SVOP: variants seen among roughly 807,000 people sequenced by gnomAD.
SVOP encodes SV2 related protein.
In SVOP, 17 loss-of-function variants were observed where a neutral mutation model predicts 69.1. That is an observed-to-expected ratio of 0.25 (90% CI 0.17 to 0.37). The LOEUF (loss-of-function observed/expected upper bound fraction) is 0.37. Ranked by LOEUF, SVOP falls within the 10% of genes least tolerant of loss-of-function variation. The pLI is 1.00. For missense variants in SVOP, 435 were observed against 597.5 expected (o/e 0.73, Z 2.84); for synonymous variants, 238 against 238.6 (o/e 1.00, Z 0.02).
chr12:109,020,763 C>CCA lies in SVOP; in HGVS notation c.35+70_35+71insTG, dbSNP rs1555254153. On this transcript the variant is annotated intron_variant, in intron 1 of 15. Transcript: ENST00000610966. ...AACCATGCAGAGATGTACCCCCCCCCACCCCCCTTGCAGGTTTTCGTTTTT... is the reference window on the plus strand; with the variant it reads ...AACCATGCAGAGATGTACCCCCCCCCCAACCCCCCTTGCAGGTTTTCGTTTTT... 75 of 392,560 alleles carry CCA rather than the reference C, an allele frequency of 1.9e-4. 4 individuals carry two copies. In the Middle Eastern group the frequency reaches 3.9e-3, roughly 21 times the overall value. 24.3% of individuals were successfully genotyped at this position (392,560 alleles called of 1,614,324 possible).
rs1378920713 is a variant in SVOP, at chr12:108,908,576, C to T, written c.*3959G>A. On this transcript the variant is annotated 3_prime_UTR_variant, in exon 16 of 16. Coordinates refer to ENST00000610966, the MANE Select transcript of SVOP (RefSeq NM_018711.5). ...GCTGGTGTTTCTCTTGTCCTTACAC[C>T]TTTTCCATTTCACTGATTTACATGC... The T allele has an allele frequency of 6.6e-6, 1 of 152,178 alleles. No homozygotes were observed. Among genetic ancestry groups the T allele is most frequent in the African/African-American group, 2.4e-5 (1 of 41,448 alleles). 9.4% of individuals were successfully genotyped at this position (152,178 alleles called of 1,614,324 possible). A position where few individuals can be genotyped will look rare whatever the true frequency, so the allele number is the denominator to read the frequency against.
chr12:108,986,861 G>T (rs998429704), intron 1 of SVOP, among the ~76,000 whole-genome samples: 1 of 151,986 alleles, frequency 6.6e-6, no homozygotes, highest in African/African-American at 2.4e-5. Context: ...ATCCCCACTG[G>T]ATAAGACAAA....
chr12:109,016,946 A>G (rs1016819720), intron 1 of SVOP, among the ~76,000 whole-genome samples: 2 of 151,980 alleles, frequency 1.3e-5, no homozygotes, highest in East Asian at 1.9e-4. Flanking sequence ...ACAGGTCTCA[A>G]TATATTCCCC....
At chr12:108,918,892 A>G (rs1342864154) in intron 13 of SVOP, among the ~76,000 whole-genome samples, 3 of 152,146 alleles carry the variant, frequency 2.0e-5, no homozygotes, top group African/African-American at 7.2e-5. Flanking sequence ...AACCCCCATC[A>G]GAGACCCTGA....
In SVOP at chr12:108,910,671, C is replaced by T. The variant is rs2039676290; in HGVS notation, c.*1864G>A. 1 of 152,170 alleles carries T rather than the reference C, an allele frequency of 6.6e-6. No individual in the cohort carries two copies. Among genetic ancestry groups the T allele is most frequent in the Admixed American group, 6.5e-5 (1 of 15,272 alleles). The allele number at this position is 152,170 out of a possible 1,614,324, so 9.4% of individuals were successfully genotyped here. On this transcript the variant is annotated 3_prime_UTR_variant, in exon 16 of 16. Coordinates refer to ENST00000610966, the MANE Select transcript of SVOP (RefSeq NM_018711.5). ...TTAGAACTTGAGCTGGAAGAAGTCC[C>T]CCATCATGACCTGCACACCATTAGA...
At chr12:108,924,840 A>G (rs972339762) in intron 11 of SVOP, among the ~76,000 whole-genome samples, 2 of 152,190 alleles carry the variant, frequency 1.3e-5, no homozygotes, top group Non-Finnish European at 2.9e-5. Flanking sequence ...AATCCACCAG[A>G]TGGAAAATGC....
chr12:109,010,143 A>AT (rs1017132409), intron 1 of SVOP, among the ~76,000 whole-genome samples: 56 of 149,564 alleles, frequency 3.7e-4, no homozygotes, highest in African/African-American at 9.6e-4. Flanking sequence ...AAAAAAAAAA[A>AT]TTTTTTTTTA....
intron 6 of SVOP, among the ~76,000 whole-genome samples, chr12:108,955,917 T>A (rs2039982857): frequency 6.6e-6 from 1 of 152,196 alleles, no homozygotes; most frequent in Non-Finnish European, 1.5e-5. Context: ...TTCAGTGACT[T>A]GCCTGAGGTC....
At chr12:109,014,435 T>A (rs1317204731) in intron 1 of SVOP, among the ~76,000 whole-genome samples, 1 of 152,212 alleles carries the variant, frequency 6.6e-6, no homozygotes, top group Non-Finnish European at 1.5e-5. Context: ...ATATTATTCA[T>A]CCATTCGTCA....
chr12:108,946,822 A>G (rs977786277), intron 6 of SVOP, among the ~76,000 whole-genome samples: 5 of 151,764 alleles, frequency 3.3e-5, no homozygotes, highest in African/African-American at 1.2e-4. Flanking sequence ...GGGTTCAAGC[A>G]ATTCTCCCAC....
chr12:108,934,136 CTG>C, intron 11 of SVOP, 57 bp downstream of exon 11: 1 of 1,451,866 alleles, frequency 6.9e-7, no homozygotes, highest in South Asian at 1.2e-5. Flanking sequence ...GTGTGCATGA[CTG>C]TGTATGTGCC....
intron 5 of SVOP, among the ~76,000 whole-genome samples, chr12:108,963,160 T>C (rs2040026541): frequency 6.6e-6 from 1 of 152,188 alleles, no homozygotes; most frequent in Middle Eastern, 3.2e-3. Flanking sequence ...GTCAGGCCTC[T>C]TTCTGCAATA....
chr12:108,971,187 G>A (rs1300527081), intron 5 of SVOP, among the ~76,000 whole-genome samples: 1 of 152,108 alleles, frequency 6.6e-6, no homozygotes, highest in African/African-American at 2.4e-5. Context: ...TCAGCACTTT[G>A]GGAGGCCATG....
intron 6 of SVOP, among the ~76,000 whole-genome samples, chr12:108,953,326 A>G (rs2039967811): frequency 6.6e-6 from 1 of 151,720 alleles, no homozygotes; most frequent in Non-Finnish European, 1.5e-5. Flanking sequence ...TTTTGTATTT[A>G]TAGTAGAGGC....
chr12:109,015,119 G>A (rs2040360819), intron 1 of SVOP, among the ~76,000 whole-genome samples: 1 of 152,164 alleles, frequency 6.6e-6, no homozygotes. Context: ...TGGTGAGAAG[G>A]TGGTATTTGA....
At chr12:108,934,079 A>G in intron 11 of SVOP, 116 bp downstream of exon 11, 1 of 826,940 alleles carries the variant, frequency 1.2e-6, no homozygotes, top group South Asian at 1.8e-5. Flanking sequence ...GAAACCACAG[A>G]AGTAGTACAA....
chr12:108,989,028 C>G (rs2040183312), intron 1 of SVOP, among the ~76,000 whole-genome samples: 1 of 152,178 alleles, frequency 6.6e-6, no homozygotes, highest in South Asian at 2.1e-4. Context: ...CTGCCTTAGC[C>G]TCCCAAAGTG....
Position 108,911,368 on chromosome 12 carries a change from T to G in SVOP, c.*1167A>C, listed in dbSNP as rs778530646. 4 of 152,152 alleles carry G rather than the reference T, an allele frequency of 2.6e-5. No homozygotes were observed. Among genetic ancestry groups the G allele is most frequent in the African/African-American group, 4.8e-5 (2 of 41,400 alleles). The allele number at this position is 152,152 out of a possible 1,614,324, so 9.4% of individuals were successfully genotyped here. ...CATGCACAAAACCCAAAGCCCTGGA[T>G]TTTGGATTTTGTACCTGCAAACCTG... On this transcript the variant is annotated 3_prime_UTR_variant, in exon 16 of 16. Coordinates refer to ENST00000610966, the MANE Select transcript of SVOP (RefSeq NM_018711.5).
intron 1 of SVOP, among the ~76,000 whole-genome samples, chr12:108,997,990 G>A (rs1355597852): frequency 6.7e-6 from 1 of 149,482 alleles, no homozygotes; most frequent in African/African-American, 2.5e-5. Flanking sequence ...AGAGAAGAAG[G>A]CTTCAGACGA....
Sources: gnomAD v4.1 joint callset for allele counts (sites outside exome capture counted in the v4.1 genomes callset) on GRCh38, gnomAD v4.1.1 for gene constraint, MANE v1.5 for transcripts, NCBI Gene and HGNC (gene_info 2026-07-23, HGNC 2026-07-21) for gene names.